The following SSH1 variants were observed in gnomAD, a reference collection of about 807,000 sequenced individuals.
SSH1 encodes protein phosphatase Slingshot homolog 1.
Under a neutral mutation model 79.7 loss-of-function variants are expected in SSH1, and 43 were observed. That is an observed-to-expected ratio of 0.54 (90% CI 0.42 to 0.70). The LOEUF is 0.70. SSH1 is among the 30% of genes least tolerant of loss of function. SSH1 has a pLI of 0.00. For synonymous variants in SSH1, 599 were observed against 538.3 expected (o/e 1.11, Z -1.56); for missense variants, 1,206 against 1,358.8 (o/e 0.89, Z 1.77).
At chr12:108,806,121 A>T (rs906681358) in intron 9 of SSH1, among the ~76,000 whole-genome samples, 180 bp downstream of exon 9, 14 of 152,168 alleles carry the variant, frequency 9.2e-5, no homozygotes, top group Non-Finnish European at 2.9e-5. Context: ...CTCAAACTGG[A>T]GTCTGACTCC....
chr12:108,856,245 C>A lies in SSH1; in HGVS notation c.69+1183G>T, dbSNP rs373408499. ...CTTCAAGAGATGGTGGGCAAGATTG[C>A]GCGACCAGAGGGTCATCCCTGCAGC... On this transcript the variant is annotated intron_variant, in intron 1 of 14. Transcript: ENST00000326495. 2.2e-4 allele frequency among the ~76,000 whole-genome samples: 33 copies of A among 152,352 alleles called. No individual in the cohort carries two copies. The East Asian group carries it at 5.2e-3, about 24-fold the overall frequency.
intron 5 of SSH1, among the ~76,000 whole-genome samples, chr12:108,813,920 G>A (rs2037757345): frequency 6.6e-6 from 1 of 152,028 alleles, no homozygotes; most frequent in African/African-American, 2.4e-5. Context: ...GGATGCGTAT[G>A]CAGATATAAG....
At chr12:108,852,826 A>C in intron 1 of SSH1, 148 bp from the exon 2 acceptor site, 2 of 1,549,364 alleles carry the variant, frequency 1.3e-6, no homozygotes, top group Admixed American at 1.9e-5. Context: ...CCCTTTCCTC[A>C]CCAATCCCGG....
intron 1 of SSH1, among the ~76,000 whole-genome samples, chr12:108,855,155 T>C (rs1408233403): frequency 6.6e-6 from 1 of 152,138 alleles, no homozygotes; most frequent in Non-Finnish European, 1.5e-5. Context: ...TATACAGCCA[T>C]GAAAAGGAAT....
At chr12:108,827,659 GC>G in intron 2 of SSH1, 1 of 893,852 alleles carries the variant, frequency 1.1e-6, no homozygotes, top group Non-Finnish European at 1.4e-6. Flanking sequence ...GGAGAAACAA[GC>G]ACCGGGGTGT....
chr12:108,807,764 C>A lies in SSH1; in HGVS notation c.600G>T (p.Gly200=). 1.9e-6 allele frequency: 3 copies of A among 1,613,874 alleles called. No homozygotes were observed. The highest frequency in any genetic ancestry group is 2.5e-6 in the Non-Finnish European group (3 of 1,179,894). ...EVARRHNYFP[G]GVALIWATYY... ...AGGTAGCCCAGATGAGAGCTACACC[C>A]CCGGGGAAGTAGTTGTGCCTCCGGG... The change falls in exon 8 of 15, where the codon GGG becomes GGT. Residue 200 remains glycine (G), a synonymous_variant. Coordinates refer to ENST00000326495, the MANE Select transcript of SSH1 (RefSeq NM_018984.4). This position sits in a 1 kb window ranked among gnomAD's most constrained non-coding sequence, Gnocchi z 5.2.
rs187342144 is a variant in SSH1, at chr12:108,857,320, G to C, written c.69+108C>G. 9,526 of 606,764 alleles carry C rather than the reference G, an allele frequency of 0.016. 221 individuals carry two copies. Among genetic ancestry groups the C allele is most frequent in the African/African-American group, 0.084 (4,159 of 49,690 alleles). The allele number at this position is 606,764 out of a possible 1,614,324, so 37.6% of individuals were successfully genotyped here. A position where few individuals can be genotyped will look rare whatever the true frequency, so the allele number is the denominator to read the frequency against. ...GGCTCTGTTCCTACGGCGGGGCCCCGAGGAGCCCGCGCAGCCGCCCCCCTG... is the reference window on the plus strand; with the variant it reads ...GGCTCTGTTCCTACGGCGGGGCCCCCAGGAGCCCGCGCAGCCGCCCCCCTG... On this transcript the variant is annotated intron_variant, in intron 1 of 14. Transcript: ENST00000326495. The surrounding 1 kb of genome is among the most constrained non-coding windows in gnomAD (Gnocchi z 4.7).
At position 108,786,831 on chromosome 12, in the gene SSH1, C is replaced by T. The variant is rs78342614; in HGVS notation, c.*1157G>A. The T allele has an allele frequency of 1.1e-3, 171 of 152,352 alleles. 1 individual carries two copies. The highest frequency in any genetic ancestry group is 1.7e-3 in the Non-Finnish European group (118 of 68,044). The allele number at this position is 152,352 out of a possible 1,614,324, so 9.4% of individuals were successfully genotyped here. On this transcript the variant is annotated 3_prime_UTR_variant, in exon 15 of 15. Transcript: ENST00000326495. ...TGACACCTTTGATTCAAGCCTGGCG[C>T]AGCGGGACTGGCTGAGCTCACCTGA...
intron 2 of SSH1, among the ~76,000 whole-genome samples, chr12:108,843,682 G>A (rs906763893): frequency 2.6e-5 from 4 of 151,930 alleles, no homozygotes; most frequent in Admixed American, 6.6e-5. Flanking sequence ...TTACAGGCAC[G>A]CGCCACCATA....
chr12:108,797,005 G>C (rs984784043), intron 13 of SSH1, among the ~76,000 whole-genome samples: 2 of 152,170 alleles, frequency 1.3e-5, no homozygotes, highest in East Asian at 3.8e-4. Flanking sequence ...GTCTCCCAAA[G>C]TACTGGGATT....
intron 2 of SSH1, among the ~76,000 whole-genome samples, chr12:108,834,974 C>A (rs1323423709): frequency 6.6e-6 from 1 of 152,168 alleles, no homozygotes; most frequent in Non-Finnish European, 1.5e-5. Flanking sequence ...TTGAACCTGG[C>A]AAATAAGACT....
intron 5 of SSH1, among the ~76,000 whole-genome samples, chr12:108,813,265 G>A (rs1001225822): frequency 6.6e-6 from 1 of 152,196 alleles, no homozygotes; most frequent in Admixed American, 6.5e-5. Context: ...GGGCCTGTAT[G>A]GCGGGAACAG....
intron 7 of SSH1, among the ~76,000 whole-genome samples, chr12:108,808,632 C>T (rs2037408370): frequency 6.6e-6 from 1 of 152,126 alleles, no homozygotes. Flanking sequence ...AGACATCTGC[C>T]TGCATTCTAA....
In SSH1 at chr12:108,807,756, G is replaced by C; in HGVS notation, c.608C>G (p.Ala203Gly). 6.2e-7 allele frequency: 1 copy of C among 1,613,500 alleles called. No individual in the cohort carries two copies. The highest frequency in any genetic ancestry group is 8.5e-7 in the Non-Finnish European group (1 of 1,179,800). The change falls in exon 8 of 15, where the codon GCT (alanine) becomes GGT (glycine). Residue 203 changes from alanine to glycine, a missense_variant. Around this residue, in one of 5 missense-constraint regions of SSH1, gnomAD observed 116 missense variants for 109.0 expected, o/e 1.06. Transcript: ENST00000326495. This position sits in a 1 kb window ranked among gnomAD's most constrained non-coding sequence, Gnocchi z 5.2. The part of the protein sequence containing the change: ...RRHNYFPGGV[A>G]LIWATYYESC... ...CTCATAGTAGGTAGCCCAGATGAGA[G>C]CTACACCCCCGGGGAAGTAGTTGTG...
At chr12:108,853,452 C>A (rs780739167) in intron 1 of SSH1, 1 of 647,514 alleles carries the variant, frequency 1.5e-6, no homozygotes, top group Non-Finnish European at 1.9e-6. Context: ...TGCACAGAGG[C>A]GCCCATTGAA....
intron 1 of SSH1, chr12:108,853,019 G>C: frequency 1.0e-6 from 1 of 985,292 alleles, no homozygotes; most frequent in Non-Finnish European, 1.2e-6. Context: ...ACCTTATCCT[G>C]TTTTTCTCTT....
chr12:108,809,632 T>C, intron 7 of SSH1, 61 bp downstream of exon 7: 1 of 1,451,800 alleles, frequency 6.9e-7, no homozygotes, highest in South Asian at 1.1e-5. Context: ...GGTTTTTCTA[T>C]TCATGCTGTC....
At chr12:108,835,269 T>C (rs920421028) in intron 2 of SSH1, among the ~76,000 whole-genome samples, 1 of 152,204 alleles carries the variant, frequency 6.6e-6, no homozygotes, top group Admixed American at 6.5e-5. Context: ...CAGTGTTTTA[T>C]ACATACGGGA....
Position 108,852,643 on chromosome 12 carries a change from G to C in SSH1, c.105C>G (p.Asn35Lys), listed in dbSNP as rs199947776. 86 of 1,614,010 alleles carry C rather than the reference G, an allele frequency of 5.3e-5. No homozygotes were observed. The highest frequency in any genetic ancestry group is 4.9e-4 in the Middle Eastern group (3 of 6,084). The change falls in exon 2 of 15, where the codon AAC becomes AAG. Residue 35 changes from asparagine to lysine, a missense_variant. Transcript: ENST00000326495. Reference sequence around the variant, plus strand: ...AGAATTGAAAGTCTGCTTACCTGAGGTTTAATTTTCGATCTTCTTCGCTGC... The same window carrying C: ...AGAATTGAAAGTCTGCTTACCTGAGCTTTAATTTTCGATCTTCTTCGCTGC... ...EAGSEEDRKL[N>K]LSLSESFFMV...
Sources: gnomAD v4.1 joint callset for allele counts (sites outside exome capture counted in the v4.1 genomes callset) on GRCh38, gnomAD v4.1.1 for gene constraint, gnomAD v4.1.1 regional missense constraint, Gnocchi (gnomAD v3.1) non-coding constraint, MANE v1.5 for transcripts, NCBI Gene and HGNC (gene_info 2026-07-23, HGNC 2026-07-21) for gene names.